The following UBA6 variants were observed in gnomAD, a reference collection of about 807,000 sequenced individuals.
UBA6 encodes ubiquitin like modifier activating enzyme 6.
In UBA6, 87 loss-of-function variants were observed where a neutral mutation model predicts 148.3. That is an observed-to-expected ratio of 0.59 (90% CI 0.49 to 0.70). The LOEUF (loss-of-function observed/expected upper bound fraction) is 0.70. Among genes scored for constraint, UBA6 ranks in the 30% least tolerant of loss-of-function variants. The pLI is 0.00. For synonymous variants in UBA6, 376 were observed against 401.0 expected, an observed-to-expected ratio of 0.94 and a Z score of 0.75; for missense variants, 1,186 against 1,241.2, an observed-to-expected ratio of 0.96 and a Z score of 0.67.
At chr4:67,685,882 T>TA (rs1273606299) in intron 2 of UBA6, among the ~76,000 whole-genome samples, 1 of 152,148 alleles carries the variant, frequency 6.6e-6, no homozygotes, top group Non-Finnish European at 1.5e-5. Context: ...CTAGCCTCCA[T>TA]AACTGTGAGC....
Position 67,617,103 on chromosome 4 carries a change from T to A in UBA6, c.*1894A>T, listed in dbSNP as rs536021565. 4.4e-4 allele frequency: 67 copies of A among 152,236 alleles called. No individual in the cohort carries two copies. The highest frequency in any genetic ancestry group is 3.4e-3 in the Middle Eastern group (1 of 294). The allele number at this position is 152,236 out of a possible 1,614,324, so 9.4% of individuals were successfully genotyped here. ...GATTTTGTTTTATCTGCTAAAACAC[T>A]AATATCTATAAATATGAACTGACAG... is the stretch of plus-strand genomic sequence containing the variant. On this transcript the variant is annotated 3_prime_UTR_variant, in exon 33 of 33. Transcript: ENST00000322244.
chr4:67,626,624 A>G, intron 27 of UBA6, 147 bp from the exon 28 acceptor site: 1 of 592,312 alleles, frequency 1.7e-6, no homozygotes, highest in South Asian at 2.3e-5. Context: ...AATGTATTTT[A>G]TACGTTCCTT....
At chr4:67,698,136 C>T (rs868036569) in intron 1 of UBA6, among the ~76,000 whole-genome samples, 3 of 152,278 alleles carry the variant, frequency 2.0e-5, no homozygotes, top group Middle Eastern at 3.4e-3. Flanking sequence ...CTTAAAATCT[C>T]GGAATAGCTG....
chr4:67,684,937 T>C (rs540070555), intron 2 of UBA6, among the ~76,000 whole-genome samples: 19 of 152,318 alleles, frequency 1.2e-4, no homozygotes, highest in African/African-American at 4.3e-4. Context: ...TTTTTACAGA[T>C]AGGAATACAT....
chr4:67,693,906 A>G (rs1056815125), intron 2 of UBA6, among the ~76,000 whole-genome samples: 1 of 152,052 alleles, frequency 6.6e-6, no homozygotes, highest in Admixed American at 6.6e-5. Context: ...TAAGCAACAG[A>G]TACAGATTTT....
At chr4:67,683,847 T>C (rs1331315393) in intron 2 of UBA6, among the ~76,000 whole-genome samples, 2 of 152,006 alleles carry the variant, frequency 1.3e-5, no homozygotes, top group African/African-American at 4.8e-5. Context: ...CCTACATGGG[T>C]GGATTACTTG....
chr4:67,637,165 C>A (rs1390998351), intron 19 of UBA6, among the ~76,000 whole-genome samples: 1 of 151,698 alleles, frequency 6.6e-6, no homozygotes, highest in Non-Finnish European at 1.5e-5. Flanking sequence ...GCAGCCGCCC[C>A]GTCCGGGAGG....
intron 29 of UBA6, 145 bp from the exon 30 acceptor site, chr4:67,624,398 T>C (rs1728819731): frequency 1.6e-6 from 1 of 641,062 alleles, no homozygotes; most frequent in Admixed American, 3.6e-5. Flanking sequence ...AAATTTCTTA[T>C]TACAGGTCTG....
intron 5 of UBA6, among the ~76,000 whole-genome samples, chr4:67,677,942 C>T (rs1394031432): frequency 6.6e-6 from 1 of 151,558 alleles, no homozygotes; most frequent in African/African-American, 2.4e-5. Flanking sequence ...CACACAATCT[C>T]AAAGTGTACC....
chr4:67,625,926 A>T (rs896809058), intron 28 of UBA6, among the ~76,000 whole-genome samples: 5 of 151,964 alleles, frequency 3.3e-5, no homozygotes, highest in Admixed American at 6.6e-5. Flanking sequence ...TAATTACTAA[A>T]GACTAAGAAC....
At position 67,671,051 on chromosome 4, in the gene UBA6, G is replaced by GA. The variant is rs1443860317; in HGVS notation, c.547-460dup. Among the ~76,000 whole-genome samples the GA allele has an allele frequency of 1.2e-4, 18 of 151,402 alleles. No homozygotes were observed. The South Asian group carries it at 3.3e-3, about 28-fold the overall frequency. ...CTAAAAGCTGAGAGCAGAGTCTACA[G>GA]AAAAAAAAGGCTGAAAAACTGACAT... On this transcript the variant is annotated intron_variant, in intron 7 of 32. Transcript: ENST00000322244.
At position 67,630,645 on chromosome 4, in the gene UBA6, G is replaced by A; in HGVS notation, c.2259-110C>T. ...TGTAGTTTGAAGAAATATAACCACA[G>A]AATTATTATTTCAAGTTTTTTTTTT... On this transcript the variant is annotated intron_variant, in intron 25 of 32. Coordinates refer to ENST00000322244, the MANE Select transcript of UBA6 (RefSeq NM_018227.6). 12 of 644,376 alleles carry A rather than the reference G, an allele frequency of 1.9e-5. No individual in the cohort carries two copies. The South Asian group carries it at 1.9e-4, about 10-fold the overall frequency. 39.9% of individuals were successfully genotyped at this position (644,376 alleles called of 1,614,324 possible). A position where few individuals can be genotyped will look rare whatever the true frequency, so the allele number is the denominator to read the frequency against.
chr4:67,637,457 G>C (rs533321148), intron 19 of UBA6, among the ~76,000 whole-genome samples: 1 of 152,184 alleles, frequency 6.6e-6, no homozygotes, highest in East Asian at 1.9e-4. Context: ...CATTGAGAAC[G>C]GGCCATGATG....
rs199618560 is a variant in UBA6, at chr4:67,677,650, G to A, written c.426C>T (p.Phe142=). 3.1e-6 allele frequency: 5 copies of A among 1,603,586 alleles called. No homozygotes were observed. In the African/African-American group the frequency reaches 4.0e-5, roughly 13 times the overall value. The change falls in exon 6 of 33, where the codon TTC becomes TTT. Residue 142 remains phenylalanine, a synonymous_variant. Coordinates refer to ENST00000322244, the MANE Select transcript of UBA6 (RefSeq NM_018227.6). ...AAAAGGAGAGATCTGTGGTCTCATT[G>A]AAAGGAACAGAAGATGATGTGACAT... ...YVHVTSSSVP[F]NETTDLSFLD...
chr4:67,641,684 A>G (rs1729311166), intron 17 of UBA6, among the ~76,000 whole-genome samples: 1 of 109,632 alleles, frequency 9.1e-6, no homozygotes, highest in South Asian at 3.4e-4. Flanking sequence ...TAACCCCCTA[A>G]TTAGGCATGC....
At chr4:67,697,698 A>G (rs753230132) in intron 1 of UBA6, among the ~76,000 whole-genome samples, 26 of 152,188 alleles carry the variant, frequency 1.7e-4, no homozygotes, top group Middle Eastern at 6.3e-3. Flanking sequence ...CTCTACCTTC[A>G]TAAGATATCT....
At chr4:67,639,389 T>G (rs148426705) in intron 18 of UBA6, among the ~76,000 whole-genome samples, 2 of 152,216 alleles carry the variant, frequency 1.3e-5, no homozygotes, top group African/African-American at 4.8e-5. Context: ...GTTAAGTACT[T>G]TACAGTTCTT....
chr4:67,700,495 T>C (rs1253285540), intron 1 of UBA6, among the ~76,000 whole-genome samples: 1 of 151,338 alleles, frequency 6.6e-6, no homozygotes, highest in Non-Finnish European at 1.5e-5. Context: ...AAGTGGGAAA[T>C]AAGAATGGGT....
chr4:67,637,204 G>A (rs1383456892), intron 19 of UBA6, among the ~76,000 whole-genome samples: 6 of 150,348 alleles, frequency 4.0e-5, no homozygotes, highest in East Asian at 2.0e-4. Flanking sequence ...CCGGCCAGCC[G>A]CCCCGTCCGG....
Sources: allele counts gnomAD v4.1 joint callset (sites outside exome capture counted in the v4.1 genomes callset), GRCh38; gene constraint gnomAD v4.1.1; transcripts MANE v1.5; gene names NCBI Gene and HGNC (gene_info 2026-07-23, HGNC 2026-07-21).